CDH1: variants seen among roughly 807,000 people sequenced by gnomAD.
CDH1 encodes cadherin-1.
In CDH1, 35 loss-of-function variants were observed where a neutral mutation model predicts 84.5. That is an observed-to-expected ratio of 0.41 (90% CI 0.32 to 0.55). The LOEUF (loss-of-function observed/expected upper bound fraction) is 0.55, where lower values mean the gene tolerates loss of function less well. Among genes scored for constraint, CDH1 ranks in the 20% least tolerant of loss-of-function variants. The pLI, the probability that CDH1 is intolerant of heterozygous loss-of-function variation, is 0.19. For synonymous variants in CDH1, 417 were observed against 439.0 expected (o/e 0.95, Z 0.63); for missense variants, 994 against 1,126.6 (o/e 0.88, Z 1.68).
chr16:68,774,681 C>T (rs898635038), intron 2 of CDH1, among the ~76,000 whole-genome samples: 4 of 152,048 alleles, frequency 2.6e-5, no homozygotes, highest in Non-Finnish European at 4.4e-5. Context: ...AAGCGGATGC[C>T]TGGTGTTTAG....
Position 68,823,643 on chromosome 16 carries a change from A to C in CDH1, c.2164+17A>C, listed in dbSNP as rs746926799. 4 of 1,542,816 alleles carry C rather than the reference A, an allele frequency of 2.6e-6. No homozygotes were observed. In the African/African-American group the frequency reaches 5.4e-5, roughly 21 times the overall value. ...CTTTGCTAAGTAAGTCCAGCTGGCA[A>C]GTGACTCAGCCTTTGACTTAAAAAA... On this transcript the variant is annotated intron_variant, in intron 13 of 15. Coordinates refer to ENST00000261769, the MANE Select transcript of CDH1 (RefSeq NM_004360.5).
intron 13 of CDH1, among the ~76,000 whole-genome samples, chr16:68,827,605 C>G (rs1487323046): frequency 2.0e-5 from 3 of 152,180 alleles, no homozygotes; most frequent in Non-Finnish European, 4.4e-5. Context: ...TTTATAGTCT[C>G]TGTCCCACTC....
At chr16:68,747,096 G>A (rs888682232) in intron 2 of CDH1, among the ~76,000 whole-genome samples, 4 of 152,198 alleles carry the variant, frequency 2.6e-5, no homozygotes, top group African/African-American at 9.7e-5. Flanking sequence ...CTCTCAGCAG[G>A]TAATTCCAGT....
intron 14 of CDH1, 135 bp from the exon 15 acceptor site, chr16:68,829,519 G>C: frequency 1.1e-6 from 1 of 899,252 alleles, no homozygotes; most frequent in East Asian, 2.6e-5. Context: ...CTGTCATTTT[G>C]CATTAAACTG....
intron 2 of CDH1, among the ~76,000 whole-genome samples, chr16:68,781,735 G>T (rs1407890720): frequency 6.6e-6 from 1 of 152,094 alleles, no homozygotes; most frequent in African/African-American, 2.4e-5. Context: ...TAGCCAAACT[G>T]CTGGGATTAC....
At chr16:68,779,512 T>G (rs1959818438) in intron 2 of CDH1, among the ~76,000 whole-genome samples, 1 of 152,166 alleles carries the variant, frequency 6.6e-6, no homozygotes, top group African/African-American at 2.4e-5. Context: ...CCTTCTAGGC[T>G]GTTGTGAAGA....
intron 2 of CDH1, among the ~76,000 whole-genome samples, chr16:68,779,892 C>G (rs1241109668): frequency 2.0e-5 from 3 of 152,062 alleles, no homozygotes; most frequent in African/African-American, 7.2e-5. Context: ...CAACTGAGGC[C>G]ACAGTGTCTG....
intron 2 of CDH1, among the ~76,000 whole-genome samples, chr16:68,786,608 C>T (rs1488782489): frequency 1.4e-5 from 2 of 143,170 alleles, no homozygotes; most frequent in Non-Finnish European, 3.0e-5. Context: ...GGAGCCTGAG[C>T]CAAGGCACAC....
chr16:68,834,539 C>T lies in CDH1; in HGVS notation c.*1040C>T, dbSNP rs930379209. 1.1e-5 allele frequency: 3 copies of T among 269,122 alleles called. No individual in the cohort carries two copies. Among genetic ancestry groups the T allele is most frequent in the Non-Finnish European group, 2.2e-5 (3 of 139,146 alleles). 16.7% of individuals were successfully genotyped at this position (269,122 alleles called of 1,614,324 possible). A position where few individuals can be genotyped will look rare whatever the true frequency, so the allele number is the denominator to read the frequency against. On this transcript the variant is annotated 3_prime_UTR_variant, in exon 16 of 16. Coordinates refer to ENST00000261769, the MANE Select transcript of CDH1 (RefSeq NM_004360.5). ...GCCTCCATGTTTTAATATCAACTCTCACTCCTGAATTCAGTTGCTTTGCCC... is the reference window on the plus strand; with the variant it reads ...GCCTCCATGTTTTAATATCAACTCTTACTCCTGAATTCAGTTGCTTTGCCC...
intron 2 of CDH1, among the ~76,000 whole-genome samples, chr16:68,796,570 A>G (rs6499197): frequency 0.44 from 67,284 of 151,964 alleles, 16,907 homozygotes; most frequent in African/African-American, 0.69. Context: ...AGCCTGCCCC[A>G]GGACCAAAAG....
At chr16:68,822,631 T>G (rs542779513) in intron 12 of CDH1, 1 of 421,458 alleles carries the variant, frequency 2.4e-6, no homozygotes, top group South Asian at 2.0e-5. Context: ...TGGAGGCAGC[T>G]GTCAACTGCC....
intron 2 of CDH1, among the ~76,000 whole-genome samples, chr16:68,774,168 C>T (rs1959663825): frequency 6.6e-6 from 1 of 152,180 alleles, no homozygotes; most frequent in Admixed American, 6.5e-5. Flanking sequence ...CCTGCTTCAG[C>T]CTCCTAAAGT....
In CDH1 at chr16:68,833,708, CTT is replaced by C. The variant is rs145920869; in HGVS notation, c.*220_*221del. 1.0e-3 allele frequency: 523 copies of C among 505,796 alleles called. No homozygotes were observed. The highest frequency in any genetic ancestry group is 1.1e-3 in the Non-Finnish European group (325 of 282,914). The allele number at this position is 505,796 out of a possible 1,614,324, so 31.3% of individuals were successfully genotyped here. On this transcript the variant is annotated 3_prime_UTR_variant, in exon 16 of 16. Coordinates refer to ENST00000261769, the MANE Select transcript of CDH1 (RefSeq NM_004360.5). Reference sequence around the variant, plus strand: ...AAAAGTTTCGACTTATTTCTTAAAGCTTTTTTTTTTTTCCCATCACTCTTTAC... The same window carrying C: ...AAAAGTTTCGACTTATTTCTTAAAGCTTTTTTTTTTCCCATCACTCTTTAC...
intron 10 of CDH1, among the ~76,000 whole-genome samples, chr16:68,816,381 G>A (rs1960987075): frequency 6.6e-6 from 1 of 152,192 alleles, no homozygotes; most frequent in Non-Finnish European, 1.5e-5. Flanking sequence ...CCTCTATAAT[G>A]TAAATCACAC....
chr16:68,738,487 C>T, intron 2 of CDH1, 76 bp downstream of exon 2: 1 of 998,018 alleles, frequency 1.0e-6, no homozygotes, highest in Non-Finnish European at 1.5e-6. Flanking sequence ...CACTCCCACA[C>T]CCCTGGGTTG....
intron 2 of CDH1, among the ~76,000 whole-genome samples, chr16:68,786,410 G>A (rs1023735119): frequency 7.9e-5 from 12 of 151,746 alleles, no homozygotes; most frequent in South Asian, 2.1e-4. Context: ...GATCTCTGGC[G>A]ATCCACATGC....
chr16:68,803,190 A>T (rs1960562137), intron 3 of CDH1, among the ~76,000 whole-genome samples: 1 of 152,018 alleles, frequency 6.6e-6, no homozygotes, highest in Non-Finnish European at 1.5e-5. Context: ...AAGACTCTTG[A>T]TATTCTTGGA....
chr16:68,781,269 G>T (rs538538441), intron 2 of CDH1, among the ~76,000 whole-genome samples: 18 of 152,268 alleles, frequency 1.2e-4, no homozygotes, highest in African/African-American at 3.9e-4. Flanking sequence ...GGCCTCAGTT[G>T]CCTCCGCTTC....
chr16:68,799,234 C>A (rs1285827210), intron 2 of CDH1, among the ~76,000 whole-genome samples: 2 of 152,202 alleles, frequency 1.3e-5, no homozygotes, highest in African/African-American at 4.8e-5. Context: ...ATTACGGCTC[C>A]CCCTGCTCAC....
Sources: allele counts gnomAD v4.1 joint callset (sites outside exome capture counted in the v4.1 genomes callset), GRCh38; gene constraint gnomAD v4.1.1; transcripts MANE v1.5; gene names NCBI Gene and HGNC (gene_info 2026-07-23, HGNC 2026-07-21).